The following FOXN3 variants were observed in gnomAD, a reference collection of about 807,000 sequenced individuals.
FOXN3 encodes the protein forkhead box N3, also known as forkhead box protein N3.
A neutral mutation model predicts 38.4 loss-of-function variants in FOXN3; 7 were observed. The observed-to-expected ratio is 0.18, with a 90% CI of 0.10 to 0.34. The LOEUF (loss-of-function observed/expected upper bound fraction) is 0.34, where lower values mean the gene tolerates loss of function less well. Among genes scored for constraint, FOXN3 ranks in the 10% least tolerant of loss-of-function variants. The pLI is 1.00. For missense variants in FOXN3, 456 were observed against 613.4 expected (o/e 0.74, Z 2.71); for synonymous variants, 230 against 242.2 (o/e 0.95, Z 0.47).
rs560327362 is a variant in FOXN3 at position 89,243,644 on chromosome 14, G to A, written c.745+37306C>T. Among the ~76,000 whole-genome samples, 3 of 152,312 alleles carry A rather than the reference G, an allele frequency of 2.0e-5. No homozygotes were observed. In the South Asian group the frequency reaches 6.2e-4, roughly 32 times the overall value. ...TGCTGCCCTTTCATTTTCTGAGAGG[G>A]TTTATCTTCCTTCTGCTACAGGTAA... is the stretch of plus-strand genomic sequence containing the variant. On this transcript the variant is annotated intron_variant, in intron 4 of 5. Transcript: ENST00000557258.
At chr14:89,417,740 G>T (rs1183730461), upstream of FOXN3, 8 of 455,902 alleles carry the variant, frequency 1.8e-5, no homozygotes, top group Admixed American at 1.9e-4. Flanking sequence ...GCTGCGTCCT[G>T]ATAGGACCCC....
intron 3 of FOXN3, among the ~76,000 whole-genome samples, chr14:89,300,296 C>A (rs1222640199): frequency 6.6e-6 from 1 of 151,078 alleles, no homozygotes; most frequent in Non-Finnish European, 1.5e-5. Flanking sequence ...GATTCTCCTG[C>A]CTCAGCCTCC....
At chr14:89,492,961 G>A (rs565832268) in intron 1 of FOXN3, among the ~76,000 whole-genome samples, 1 of 152,290 alleles carries the variant, frequency 6.6e-6, no homozygotes, top group East Asian at 1.9e-4. Context: ...GAAACTCCGA[G>A]CGCCTCAGAG....
At chr14:89,410,660 C>T (rs1313781079) in intron 2 of FOXN3, among the ~76,000 whole-genome samples, 1 of 152,060 alleles carries the variant, frequency 6.6e-6, no homozygotes, top group Admixed American at 6.5e-5. Flanking sequence ...ATCACTTGAG[C>T]CCTGAAGTTT....
intron 1 of FOXN3, among the ~76,000 whole-genome samples, chr14:89,509,329 G>A (rs923582597): frequency 2.0e-5 from 3 of 151,220 alleles, no homozygotes; most frequent in African/African-American, 7.3e-5. Context: ...TTTTTTTGTT[G>A]TTGTTTGTTT....
At chr14:89,218,337 T>A (rs1040201543) in intron 4 of FOXN3, among the ~76,000 whole-genome samples, 46 of 152,242 alleles carry the variant, frequency 3.0e-4, no homozygotes, top group Non-Finnish European at 5.9e-4. Flanking sequence ...AATACAAGAC[T>A]ACAACTGCTT....
At chr14:89,422,242 T>C (rs937334785) in intron 1 of FOXN3, among the ~76,000 whole-genome samples, 1 of 152,218 alleles carries the variant, frequency 6.6e-6, no homozygotes, top group Admixed American at 6.5e-5. Flanking sequence ...AACTCGTGTA[T>C]GCATAGGAAT....
At chr14:89,221,501 G>A (rs566020831) in intron 4 of FOXN3, among the ~76,000 whole-genome samples, 22 of 152,246 alleles carry the variant, frequency 1.4e-4, no homozygotes, top group African/African-American at 4.8e-4. Flanking sequence ...TGAAGCAAAA[G>A]CCAGAAAGCC....
intron 1 of FOXN3, among the ~76,000 whole-genome samples, chr14:89,551,041 G>C (rs1894996242): frequency 6.6e-6 from 1 of 152,232 alleles, no homozygotes. Flanking sequence ...AGAGAGCAGA[G>C]CCCTTAAACA....
chr14:89,570,949 C>T (rs1895476734), intron 1 of FOXN3, among the ~76,000 whole-genome samples: 2 of 152,118 alleles, frequency 1.3e-5, no homozygotes, highest in South Asian at 4.1e-4. Context: ...CTAGACATTT[C>T]AAACTTTGTT....
chr14:89,229,512 C>CA (rs1884743105), intron 4 of FOXN3, among the ~76,000 whole-genome samples: 1 of 152,140 alleles, frequency 6.6e-6, no homozygotes. Context: ...CATCTTCACC[C>CA]AAGTACACAC....
chr14:89,225,648 C>T (rs963561704), intron 4 of FOXN3, among the ~76,000 whole-genome samples: 3 of 152,104 alleles, frequency 2.0e-5, no homozygotes, highest in Non-Finnish European at 4.4e-5. Flanking sequence ...AATATTTGAA[C>T]TAGATCTAGT....
intron 1 of FOXN3, among the ~76,000 whole-genome samples, chr14:89,444,858 C>T (rs538934392): frequency 6.6e-4 from 100 of 152,168 alleles, no homozygotes; most frequent in Middle Eastern, 3.4e-3. Flanking sequence ...CAGTGGCTCA[C>T]GCCTATAGTC....
chr14:89,607,362 C>T (rs1452197622), intron 1 of FOXN3, among the ~76,000 whole-genome samples: 1 of 151,996 alleles, frequency 6.6e-6, no homozygotes, highest in African/African-American at 2.4e-5. Flanking sequence ...AGTTTGAGAC[C>T]AGCCTGGCCA....
intron 1 of FOXN3, among the ~76,000 whole-genome samples, chr14:89,534,391 C>T (rs1244300962): frequency 6.6e-6 from 1 of 152,154 alleles, no homozygotes; most frequent in Non-Finnish European, 1.5e-5. Flanking sequence ...CATGAGCCAG[C>T]ATGCCTGGCC....
chr14:89,349,166 T>C (rs1417875008), intron 3 of FOXN3, among the ~76,000 whole-genome samples: 1 of 152,182 alleles, frequency 6.6e-6, no homozygotes, highest in Non-Finnish European at 1.5e-5. Flanking sequence ...ACCTTGTACA[T>C]CGGCAATTCT....
intron 3 of FOXN3, among the ~76,000 whole-genome samples, chr14:89,293,788 A>G (rs1474697378): frequency 6.6e-6 from 1 of 152,114 alleles, no homozygotes; most frequent in Non-Finnish European, 1.5e-5. Flanking sequence ...TTCACCCCAG[A>G]CAGTGGCTAT....
intron 1 of FOXN3, among the ~76,000 whole-genome samples, chr14:89,599,820 A>C (rs535590699): frequency 6.6e-6 from 1 of 152,328 alleles, no homozygotes; most frequent in African/African-American, 2.4e-5. Context: ...ATGAAAGCCT[A>C]GGTTGTTTAC....
chr14:89,218,762 A>C (rs1002093036), intron 4 of FOXN3, among the ~76,000 whole-genome samples: 5 of 152,184 alleles, frequency 3.3e-5, no homozygotes, highest in African/African-American at 7.2e-5. Context: ...TTCTAGGGAA[A>C]GTGACTCAAA....
Sources: allele counts gnomAD v4.1 joint callset (sites outside exome capture counted in the v4.1 genomes callset), GRCh38; gene constraint gnomAD v4.1.1; transcripts MANE v1.5; gene names NCBI Gene and HGNC (gene_info 2026-07-23, HGNC 2026-07-21).